CAMTA1: variants seen among roughly 807,000 people sequenced by gnomAD.
CAMTA1 encodes calmodulin binding transcription activator 1, also known as calmodulin-binding transcription activator 1.
Under a neutral mutation model 170.9 loss-of-function variants are expected in CAMTA1, and 27 were observed. The observed-to-expected ratio is 0.16, with a 90% CI of 0.12 to 0.22. CAMTA1 has a LOEUF of 0.22. Among genes scored for constraint, CAMTA1 ranks in the 10% least tolerant of loss-of-function variants. The probability of loss-of-function intolerance (pLI) is 1.00; values close to 1 mark genes in which losing one functional copy is unlikely to be tolerated. For synonymous variants in CAMTA1, 833 were observed against 891.5 expected (o/e 0.93, Z 1.17); for missense variants, 1,619 against 2,217.2 (o/e 0.73, Z 5.42).
chr1:7,194,702 C>T (rs1368402021), intron 4 of CAMTA1, among the ~76,000 whole-genome samples: 5 of 152,090 alleles, frequency 3.3e-5, no homozygotes, highest in Admixed American at 6.6e-5. Context: ...AGAGGACTTG[C>T]GATATTTCAT....
rs184268864 is a variant in CAMTA1, at chr1:7,458,258, A to G, written c.439-9572A>G. On this transcript the variant is annotated intron_variant, in intron 5 of 22. Transcript: ENST00000303635. ...TGAGGGAGACGGGGTTAACTCCTGCAGGCTTTGCCGGCCAGGGGACTGGAG... is the reference window on the plus strand; with the variant it reads ...TGAGGGAGACGGGGTTAACTCCTGCGGGCTTTGCCGGCCAGGGGACTGGAG... 1.0e-3 allele frequency among the ~76,000 whole-genome samples: 159 copies of G among 152,188 alleles called. 4 individuals are homozygous for G. The East Asian group carries it at 0.025, about 24-fold the overall frequency.
chr1:7,718,505 A>C (rs1030993304), intron 11 of CAMTA1, among the ~76,000 whole-genome samples: 4 of 149,102 alleles, frequency 2.7e-5, no homozygotes, highest in African/African-American at 9.9e-5. Context: ...TCACGCCTTC[A>C]TGTCCAGGTT....
chr1:6,935,989 C>T (rs773728598), intron 3 of CAMTA1, among the ~76,000 whole-genome samples: 29 of 152,162 alleles, frequency 1.9e-4, no homozygotes, highest in Non-Finnish European at 3.1e-4. Flanking sequence ...TCGAGGCTGT[C>T]GGAGGTCTAA....
chr1:6,962,904 C>G (rs970560626), intron 3 of CAMTA1, among the ~76,000 whole-genome samples: 2 of 149,290 alleles, frequency 1.3e-5, no homozygotes, highest in African/African-American at 4.9e-5. Context: ...TTTGGTCCCT[C>G]CTTGCCTGCC....
At chr1:6,952,430 C>CAAAAAAAAAA (rs34562557) in intron 3 of CAMTA1, among the ~76,000 whole-genome samples, 1 of 13,118 alleles carries the variant, frequency 7.6e-5, no homozygotes, top group African/African-American at 2.6e-4. Context: ...GACTCTGTCT[C>CAAAAAAAAAA]AAAAAAAAGA....
intron 5 of CAMTA1, among the ~76,000 whole-genome samples, chr1:7,452,199 A>T (rs536512903): frequency 6.6e-6 from 1 of 151,966 alleles, no homozygotes; most frequent in East Asian, 1.9e-4. Flanking sequence ...GAACAGATAG[A>T]CTCACGGGGG....
chr1:7,415,179 C>G (rs1487240314), intron 5 of CAMTA1, among the ~76,000 whole-genome samples: 2 of 151,708 alleles, frequency 1.3e-5, no homozygotes, highest in Non-Finnish European at 2.9e-5. Context: ...TTACTTCCAA[C>G]TATGTGGTCA....
intron 22 of CAMTA1, among the ~76,000 whole-genome samples, chr1:7,758,032 A>T (rs2096943710): frequency 6.6e-6 from 1 of 152,134 alleles, no homozygotes; most frequent in South Asian, 2.1e-4. Flanking sequence ...CACCCTCTGC[A>T]TATATATAGA....
chr1:7,316,491 G>A (rs1032060040), intron 5 of CAMTA1, among the ~76,000 whole-genome samples: 2 of 152,154 alleles, frequency 1.3e-5, no homozygotes, highest in Admixed American at 6.5e-5. Context: ...CTTGACGCAC[G>A]GTAAGTACTC....
intron 4 of CAMTA1, among the ~76,000 whole-genome samples, chr1:7,185,916 G>A (rs1367464791): frequency 5.3e-5 from 8 of 152,198 alleles, no homozygotes; most frequent in Non-Finnish European, 1.0e-4. Context: ...ATGCTGGATC[G>A]GATCCCGGAC....
chr1:6,801,864 G>A (rs1643888109), intron 1 of CAMTA1, among the ~76,000 whole-genome samples: 1 of 150,452 alleles, frequency 6.6e-6, no homozygotes, highest in Non-Finnish European at 1.5e-5. Context: ...CATTTATACA[G>A]AAAGTGATTT....
At chr1:6,801,788 TTAAA>T (rs1643876879) in intron 1 of CAMTA1, among the ~76,000 whole-genome samples, 1 of 151,738 alleles carries the variant, frequency 6.6e-6, no homozygotes, top group Non-Finnish European at 1.5e-5. Flanking sequence ...AGGCTGTGCC[TTAAA>T]TAAACTGTCA....
rs370669806 is a variant in CAMTA1 at position 7,133,821 on chromosome 1, CTT to C, written c.302+42454_302+42455del. ...AATGGTGGATGTTTTCTCTCTCACA[CTT>C]TTTGTTTTATTATTAGTACAATGAT... is the stretch of plus-strand genomic sequence containing the variant. On this transcript the variant is annotated intron_variant, in intron 4 of 22. Transcript: ENST00000303635. Among the ~76,000 whole-genome samples, 39 of 152,260 alleles carry C rather than the reference CTT, an allele frequency of 2.6e-4. No individual in the cohort carries two copies. The East Asian group carries it at 5.0e-3, about 20-fold the overall frequency.
chr1:7,456,480 C>T lies in CAMTA1; in HGVS notation c.439-11350C>T, dbSNP rs762954508. On this transcript the variant is annotated intron_variant, in intron 5 of 22. Coordinates refer to ENST00000303635, the MANE Select transcript of CAMTA1 (RefSeq NM_015215.4). The surrounding 1 kb of genome is among the most constrained non-coding windows in gnomAD (Gnocchi z 4.9). ...TACTTTTAGGAAGTATTTGAGATAG[C>T]AACAGCACTGATACATTGAAATAGG... Among the ~76,000 whole-genome samples the T allele has an allele frequency of 2.0e-5, 3 of 152,140 alleles. No homozygotes were observed. Among genetic ancestry groups the T allele is most frequent in the Non-Finnish European group, 4.4e-5 (3 of 68,022 alleles).
chr1:7,052,699 C>T (rs553955876), intron 3 of CAMTA1, among the ~76,000 whole-genome samples: 3 of 152,302 alleles, frequency 2.0e-5, no homozygotes, highest in South Asian at 4.1e-4. Context: ...CGCCCAGTAC[C>T]TGGTTCTCCT....
Position 7,325,490 on chromosome 1 carries a change from C to T in CAMTA1, c.438+75864C>T, listed in dbSNP as rs988739152. Among the ~76,000 whole-genome samples, 1 of 152,164 alleles carries T rather than the reference C, an allele frequency of 6.6e-6. No homozygotes were observed. Among genetic ancestry groups the T allele is most frequent in the African/African-American group, 2.4e-5 (1 of 41,430 alleles). On this transcript the variant is annotated intron_variant, in intron 5 of 22. Coordinates refer to ENST00000303635, the MANE Select transcript of CAMTA1 (RefSeq NM_015215.4). This position sits in a 1 kb window ranked among gnomAD's most constrained non-coding sequence, Gnocchi z 5.0. ...AAAGACAGCAAGGAAGCCAGCGTGG[C>T]AGGGCCAGCTAGGATGCTAATGTAG... is the stretch of plus-strand genomic sequence containing the variant.
intron 4 of CAMTA1, among the ~76,000 whole-genome samples, chr1:7,206,862 C>T (rs1406951538): frequency 6.6e-6 from 1 of 152,112 alleles, no homozygotes; most frequent in Non-Finnish European, 1.5e-5. Flanking sequence ...CTCTTAAGTC[C>T]TTGGTTTCCA....
At chr1:7,089,465 GAC>G (rs1290880979) in intron 3 of CAMTA1, among the ~76,000 whole-genome samples, 3 of 151,974 alleles carry the variant, frequency 2.0e-5, no homozygotes, top group Admixed American at 6.6e-5. Flanking sequence ...TATCTTCAGT[GAC>G]ACACACACAC....
intron 1 of CAMTA1, among the ~76,000 whole-genome samples, chr1:6,802,902 G>A (rs1023282516): frequency 6.6e-6 from 1 of 152,122 alleles, no homozygotes; most frequent in East Asian, 1.9e-4. Context: ...ATGCCACAAC[G>A]CCCGGCTGAT....
Sources: allele counts gnomAD v4.1 joint callset (sites outside exome capture counted in the v4.1 genomes callset), GRCh38; gene constraint gnomAD v4.1.1; non-coding constraint Gnocchi (gnomAD v3.1); transcripts MANE v1.5; gene names NCBI Gene and HGNC (gene_info 2026-07-23, HGNC 2026-07-21).